Variants in TTC3 observed in about 807,000 individuals in gnomAD.
The protein encoded by TTC3 is tetratricopeptide repeat domain 3, also known as E3 ubiquitin-protein ligase TTC3.
Under a neutral mutation model 249.6 loss-of-function variants are expected in TTC3, and 180 were observed. That is an observed-to-expected ratio of 0.72 (90% CI 0.64 to 0.82). The LOEUF (loss-of-function observed/expected upper bound fraction) is 0.82, where lower values mean the gene tolerates loss of function less well. Ranked by LOEUF, TTC3 falls within the 40% of genes least tolerant of loss-of-function variation. The probability of loss-of-function intolerance (pLI) is 0.00; values close to 1 mark genes in which losing one functional copy is unlikely to be tolerated. For synonymous variants in TTC3, 717 were observed against 805.0 expected, an observed-to-expected ratio of 0.89 and a Z score of 1.85; for missense variants, 2,061 against 2,398.4, an observed-to-expected ratio of 0.86 and a Z score of 2.94.
chr21:37,143,110 G>GA (rs2078646666), intron 20 of TTC3, among the ~76,000 whole-genome samples: 1 of 152,196 alleles, frequency 6.6e-6, no homozygotes, highest in Non-Finnish European at 1.5e-5. Context: ...ATGGATTAAA[G>GA]ACTTCAATGT....
rs146201481 is a variant in TTC3 at position 37,134,109 on chromosome 21, C to G, written c.1444-1271C>G. On this transcript the variant is annotated intron_variant, in intron 17 of 45. Transcript: ENST00000355666. ...AAGTTTTTCTGAAAGCTGCTCTTTT[C>G]TATGCATATTCTGGGGAGCGTTCTG... Among the ~76,000 whole-genome samples the G allele has an allele frequency of 5.9e-5, 9 of 152,174 alleles. 1 individual carries two copies. Among genetic ancestry groups the G allele is most frequent in the African/African-American group, 1.9e-4 (8 of 41,520 alleles).
At chr21:37,167,480 G>A (rs1198913784) in intron 33 of TTC3, 75 bp from the exon 34 acceptor site, 8 of 1,130,384 alleles carry the variant, frequency 7.1e-6, no homozygotes, top group Non-Finnish European at 1.0e-5. Context: ...GTGTTTTAAA[G>A]TGTTACTACT....
chr21:37,105,364 A>G (rs1045264081), intron 10 of TTC3, among the ~76,000 whole-genome samples: 1 of 152,184 alleles, frequency 6.6e-6, no homozygotes, highest in Non-Finnish European at 1.5e-5. Flanking sequence ...CTAGGGTTGT[A>G]TATTCAGTGG....
chr21:37,137,508 G>A (rs113647769), intron 18 of TTC3, among the ~76,000 whole-genome samples: 3,167 of 152,288 alleles, frequency 0.021, 103 homozygotes, highest in African/African-American at 0.073. Flanking sequence ...AGTGGAGCCT[G>A]AAGATGTGAC....
At position 37,100,478 on chromosome 21, in the gene TTC3, C is replaced by T. The variant is rs2074369314; in HGVS notation, c.845+3835C>T. ...AAGCGTGAAGTGTGCATGGGGAAGC[C>T]TGAGGTGAGGTATATATGGGGAAAC... On this transcript the variant is annotated intron_variant, in intron 10 of 45. Coordinates refer to ENST00000355666, the Ensembl canonical transcript of TTC3. Among the ~76,000 whole-genome samples, 3 of 151,164 alleles carry T rather than the reference C, an allele frequency of 2.0e-5. No homozygotes were observed. In the South Asian group the frequency reaches 6.3e-4, roughly 32 times the overall value.
At chr21:37,183,161 C>G (rs746474509) in intron 36 of TTC3, among the ~76,000 whole-genome samples, 6 of 152,082 alleles carry the variant, frequency 3.9e-5, no homozygotes, top group South Asian at 4.1e-4. Flanking sequence ...CTGAGAATCC[C>G]CAAGGAACTG....
intron 28 of TTC3, 89 bp from the exon 29 acceptor site, chr21:37,159,610 A>G: frequency 7.2e-7 from 1 of 1,379,726 alleles, no homozygotes; most frequent in Admixed American, 1.9e-5. Flanking sequence ...CTATGCCAGT[A>G]GTATGAGGAG....
chr21:37,114,412 T>C (rs1418157489), intron 11 of TTC3, among the ~76,000 whole-genome samples: 2 of 152,288 alleles, frequency 1.3e-5, no homozygotes, highest in Admixed American at 6.5e-5. Flanking sequence ...GACATTTATG[T>C]AGCCAACAGA....
chr21:37,144,615 T>C, exon 21 of TTC3: 4 of 1,611,380 alleles, frequency 2.5e-6, no homozygotes, highest in Non-Finnish European at 3.4e-6. Context: ...GTAATGTGAT[T>C]ATTGAAGAGT....
intron 12 of TTC3, among the ~76,000 whole-genome samples, 160 bp downstream of exon 12, chr21:37,122,139 A>AT (rs2076633460): frequency 6.6e-6 from 1 of 151,930 alleles, no homozygotes. Flanking sequence ...TTTCATTTCT[A>AT]TCTGTGTAGA....
intron 1 of TTC3, chr21:37,073,438 G>A (rs1601145605): frequency 1.0e-6 from 1 of 986,700 alleles, no homozygotes; most frequent in Non-Finnish European, 1.2e-6. Flanking sequence ...GATGCCGGGG[G>A]AGCGGGGCCT....
chr21:37,139,030 T>C (rs529071504), intron 19 of TTC3, among the ~76,000 whole-genome samples: 9 of 152,172 alleles, frequency 5.9e-5, no homozygotes, highest in South Asian at 2.1e-4. Flanking sequence ...ATCCCACTTA[T>C]ATACTTTTTG....
At chr21:37,201,715 C>A in exon 46 of TTC3, 1 of 1,111,100 alleles carries the variant, frequency 9.0e-7, no homozygotes, top group Non-Finnish European at 1.2e-6. Context: ...TCGTTAATAT[C>A]GCTGATATTA....
rs2084853349 is a variant in TTC3 at position 37,195,939 on chromosome 21, G to T, written c.5482G>T (p.Val1828Phe). The T allele has an allele frequency of 1.2e-6, 2 of 1,614,110 alleles. No individual in the cohort carries two copies. Among genetic ancestry groups the T allele is most frequent in the African/African-American group, 2.7e-5 (2 of 74,930 alleles). ...CCCTGTGGCTGATCGGAAGCAGCCT[G>T]TTCCTCCAGGACGTGCTGCGCGTTC... The change falls in exon 42 of 46, where the codon GTT becomes TTT. Residue 1828 changes from valine to phenylalanine, a missense_variant. Physicochemically the swap from Val to Phe is conservative, Grantham distance 50. Transcript: ENST00000355666.
At chr21:37,159,225 A>G (rs1355389776) in intron 28 of TTC3, among the ~76,000 whole-genome samples, 1 of 133,688 alleles carries the variant, frequency 7.5e-6, no homozygotes, top group African/African-American at 2.9e-5. Flanking sequence ...TCATTTCAAG[A>G]GTAACTTAAA....
At chr21:37,152,115 C>G (rs2079524555) in intron 26 of TTC3, 86 bp downstream of exon 26, 1 of 1,310,744 alleles carries the variant, frequency 7.6e-7, no homozygotes, top group Non-Finnish European at 1.0e-6. Context: ...TTATATTCAT[C>G]ATTATTGAAT....
chr21:37,101,045 G>A (rs1020868731), intron 10 of TTC3: 4 of 152,150 alleles, frequency 2.6e-5, no homozygotes, highest in African/African-American at 7.2e-5. Context: ...CAGATTCTTC[G>A]GTGGGATGTG....
chr21:37,193,704 C>CTCAT (rs1378612882), intron 41 of TTC3: 1 of 152,220 alleles, frequency 6.6e-6, no homozygotes, highest in African/African-American at 2.4e-5. Flanking sequence ...TCATTTCTCC[C>CTCAT]TCATTCATTC....
chr21:37,082,465 C>A, intron 1 of TTC3: 1 of 984,970 alleles, frequency 1.0e-6, no homozygotes, highest in Non-Finnish European at 1.2e-6. Flanking sequence ...TGCTTGCTTT[C>A]TGAAAGCATT....
Sources: gnomAD v4.1 joint callset for allele counts (sites outside exome capture counted in the v4.1 genomes callset) on GRCh38, gnomAD v4.1.1 for gene constraint, MANE v1.5 for transcripts, NCBI Gene and HGNC (gene_info 2026-07-23, HGNC 2026-07-21) for gene names.